Variants in GOLM2 observed in about 807,000 individuals in gnomAD.
The protein encoded by GOLM2 is protein GOLM2.
Under a neutral mutation model 55.9 loss-of-function variants are expected in GOLM2, and 26 were observed. The ratio of observed to expected loss-of-function variants is 0.47; its 90% CI spans 0.34 to 0.65. The LOEUF is 0.65. Ranked by LOEUF, GOLM2 falls within the 30% of genes least tolerant of loss-of-function variation. The probability of loss-of-function intolerance (pLI) is 0.01; values close to 1 mark genes in which losing one functional copy is unlikely to be tolerated. For synonymous variants in GOLM2, 165 were observed against 194.6 expected, an observed-to-expected ratio of 0.85 and a Z score of 1.27; for missense variants, 486 against 531.8, an observed-to-expected ratio of 0.91 and a Z score of 0.85.
intron 4 of GOLM2, among the ~76,000 whole-genome samples, chr15:44,336,511 CTA>C (rs2079057905): frequency 6.6e-6 from 1 of 152,222 alleles, no homozygotes. Flanking sequence ...AATTTGGAAA[CTA>C]TGAGACACGA....
At chr15:44,316,698 T>A (rs1476070322) in intron 1 of GOLM2, among the ~76,000 whole-genome samples, 2 of 148,486 alleles carry the variant, frequency 1.3e-5, no homozygotes, top group Non-Finnish European at 3.0e-5. Flanking sequence ...GAGGTTGCAG[T>A]GAGCCGAGAT....
intron 3 of GOLM2, 74 bp from the exon 4 acceptor site, chr15:44,331,914 T>C: frequency 2.0e-6 from 2 of 981,442 alleles, no homozygotes; most frequent in Non-Finnish European, 3.2e-6. Flanking sequence ...TTCTTATGTA[T>C]GTGTCAACTT....
intron 6 of GOLM2, among the ~76,000 whole-genome samples, chr15:44,369,064 ATAT>A (rs2079306089): frequency 1.4e-5 from 1 of 71,512 alleles, no homozygotes; most frequent in Non-Finnish European, 2.5e-5. Flanking sequence ...ATAATAGGAT[ATAT>A]TATATATATA....
At chr15:44,327,698 C>T (rs1225576613) in intron 2 of GOLM2, among the ~76,000 whole-genome samples, 3 of 152,062 alleles carry the variant, frequency 2.0e-5, no homozygotes, top group Non-Finnish European at 2.9e-5. Flanking sequence ...CACTCTTTTC[C>T]GCCTGCATTT....
chr15:44,411,013 CTTTTTTTTTTTTTTT>C (rs201998296), intron 9 of GOLM2, among the ~76,000 whole-genome samples: 3 of 81,330 alleles, frequency 3.7e-5, no homozygotes, highest in African/African-American at 1.3e-4. Context: ...GTTTGTTTGA[CTTTTTTTTTTTTTTT>C]TTTTTTTTTT....
intron 4 of GOLM2, among the ~76,000 whole-genome samples, chr15:44,333,184 G>A (rs2079033847): frequency 6.6e-6 from 1 of 152,036 alleles, no homozygotes; most frequent in South Asian, 2.1e-4. Context: ...CGCCCACCTC[G>A]GCCTTCCAAA....
intron 1 of GOLM2, among the ~76,000 whole-genome samples, chr15:44,299,926 CAAAAAAAAAAAA>C (rs1009141482): frequency 1.2e-3 from 14 of 11,536 alleles, no homozygotes; most frequent in Non-Finnish European, 3.3e-3. Flanking sequence ...GGCAACATAG[CAAAAAAAAAAAA>C]AAAAAAAAAA....
chr15:44,308,694 C>T (rs1021899202), intron 1 of GOLM2, among the ~76,000 whole-genome samples: 1 of 152,018 alleles, frequency 6.6e-6, no homozygotes, highest in African/African-American at 2.4e-5. Flanking sequence ...TTTGACCCAC[C>T]TCAAGCGATT....
chr15:44,298,968 A>T (rs1278684603), intron 1 of GOLM2, among the ~76,000 whole-genome samples: 4 of 152,212 alleles, frequency 2.6e-5, no homozygotes, highest in Non-Finnish European at 5.9e-5. Flanking sequence ...CAGGTGCATG[A>T]ATACACAGAG....
At chr15:44,408,448 CA>C (rs374189622) in intron 9 of GOLM2, among the ~76,000 whole-genome samples, 1 of 151,958 alleles carries the variant, frequency 6.6e-6, no homozygotes. Flanking sequence ...TATAAATTAA[CA>C]AAAAAATACT....
At chr15:44,360,382 A>G (rs2079229371) in intron 6 of GOLM2, among the ~76,000 whole-genome samples, 1 of 152,210 alleles carries the variant, frequency 6.6e-6, no homozygotes, top group African/African-American at 2.4e-5. Context: ...TGGAAAACAA[A>G]AAAAGGCAGG....
At chr15:44,400,509 G>T (rs534701108) in intron 8 of GOLM2, among the ~76,000 whole-genome samples, 25 of 148,400 alleles carry the variant, frequency 1.7e-4, no homozygotes. Flanking sequence ...TAGACACAGG[G>T]TTTCTCCATG....
At chr15:44,313,094 C>G (rs1385456230) in intron 1 of GOLM2, among the ~76,000 whole-genome samples, 8 of 149,218 alleles carry the variant, frequency 5.4e-5, no homozygotes, top group African/African-American at 2.0e-4. Context: ...AAAAAAAATA[C>G]AAAAATTAGC....
chr15:44,371,018 A>G (rs2079326288), intron 6 of GOLM2, among the ~76,000 whole-genome samples: 1 of 152,128 alleles, frequency 6.6e-6, no homozygotes, highest in Admixed American at 6.6e-5. Flanking sequence ...GTTAGACCCC[A>G]TGAAGTCTCA....
intron 2 of GOLM2, 144 bp downstream of exon 2, chr15:44,323,163 C>T (rs2078962567): frequency 1.2e-5 from 6 of 515,464 alleles, no homozygotes; most frequent in South Asian, 1.0e-4. Flanking sequence ...ATCCTTTTGC[C>T]TTAAGATATA....
At chr15:44,394,007 A>T (rs2079508729) in intron 8 of GOLM2, among the ~76,000 whole-genome samples, 1 of 151,998 alleles carries the variant, frequency 6.6e-6, no homozygotes. Context: ...GTGCTATTTT[A>T]TACAAGGGAC....
chr15:44,369,204 ATATGTGTGTG>A lies in GOLM2; in HGVS notation c.803-10484_803-10475del, dbSNP rs1423632886. 5.5e-3 allele frequency among the ~76,000 whole-genome samples: 724 copies of A among 131,840 alleles called. 6 individuals are homozygous for A. The highest frequency in any genetic ancestry group is 0.02 in the African/African-American group (686 of 33,590). 86.5% of individuals were successfully genotyped at this position (131,840 alleles called of 152,430 possible). ...TAGATATGTGTGTGTATATATATAT[ATATGTGTGTG>A]TGTGTGTGTGTGTGTGTGTGTTTGT... On this transcript the variant is annotated intron_variant, in intron 6 of 9. Transcript: ENST00000299957.
intron 1 of GOLM2, chr15:44,307,678 A>G (rs986294145): frequency 6.6e-6 from 1 of 152,324 alleles, no homozygotes; most frequent in African/African-American, 2.4e-5. Flanking sequence ...CCGTTCTTTG[A>G]AGAAGTGAGG....
At chr15:44,302,831 G>A (rs1348399831) in intron 1 of GOLM2, among the ~76,000 whole-genome samples, 3 of 152,218 alleles carry the variant, frequency 2.0e-5, no homozygotes, top group Non-Finnish European at 1.5e-5. Context: ...TAGGCTGGGC[G>A]CAGTGGCTTA....
Sources: allele counts gnomAD v4.1 joint callset (sites outside exome capture counted in the v4.1 genomes callset), GRCh38; gene constraint gnomAD v4.1.1; transcripts MANE v1.5; gene names NCBI Gene and HGNC (gene_info 2026-07-23, HGNC 2026-07-21).